VPS16: variants seen among roughly 807,000 people sequenced by gnomAD.
The protein encoded by VPS16 is VPS16 core subunit of CORVET and HOPS complexes, also known as vacuolar protein sorting-associated protein 16 homolog.
In VPS16, 82 loss-of-function variants were observed where a neutral mutation model predicts 116.0. The observed-to-expected ratio is 0.71, with a 90% CI of 0.59 to 0.85. The LOEUF is 0.85. Ranked by LOEUF, VPS16 falls within the 40% of genes least tolerant of loss-of-function variation. VPS16 has a pLI of 0.00. For missense variants in VPS16, 928 were observed against 1,090.6 expected (o/e 0.85, Z 2.10); for synonymous variants, 406 against 420.7 (o/e 0.96, Z 0.43).
chr20:2,854,146 C>T (rs1432241141), intron 1 of VPS16, among the ~76,000 whole-genome samples: 1 of 151,952 alleles, frequency 6.6e-6, no homozygotes, highest in Non-Finnish European at 1.5e-5. Context: ...TGGTCGTGCA[C>T]ACCTGTAAGA....
Position 2,862,602 on chromosome 20 carries a change from G to C in VPS16, c.1095G>C (p.Glu365Asp), listed in dbSNP as rs2089244700. The C allele has an allele frequency of 6.2e-7, 1 of 1,613,494 alleles. No homozygotes were observed. The highest frequency in any genetic ancestry group is 8.5e-7 in the Non-Finnish European group (1 of 1,179,878). The change falls in exon 12 of 24, where the codon GAG becomes GAC. Residue 365 changes from glutamate (E) to aspartate (D), a missense_variant. Transcript: ENST00000380445. ...AGAAAGAGAGCCAGAAGGCGGACGA[G>C]TACCTGCGGGAGATCCAGGAGCTGG... ...EYEKESQKAD[E>D]YLREIQELGQ... is the part of the protein sequence containing the mutation.
chr20:2,861,023 C>G lies in VPS16; in HGVS notation c.684C>G (p.Ser228=). ...GVSSFLQMAV[S]FTYRHLALFT... is the part of the protein sequence containing the mutation. ...GCAGCTTCCTACAGATGGCTGTCTC[C>G]TTCACCTACCGACACCTGGCACTCT... Residue 228 remains serine (S), a synonymous_variant, in exon 7 of 24, where the codon TCC becomes TCG. Coordinates refer to ENST00000380445, the MANE Select transcript of VPS16 (RefSeq NM_022575.4). 6.2e-7 allele frequency: 1 copy of G among 1,614,232 alleles called. No homozygotes were observed. Among genetic ancestry groups the G allele is most frequent in the Non-Finnish European group, 8.5e-7 (1 of 1,180,050 alleles).
At position 2,863,975 on chromosome 20, in the gene VPS16, G is replaced by T; in HGVS notation, c.1503G>T (p.Glu501Asp). 6.2e-7 allele frequency: 1 copy of T among 1,614,124 alleles called. No homozygotes were observed. The highest frequency in any genetic ancestry group is 8.5e-7 in the Non-Finnish European group (1 of 1,180,000). Residue 501 changes from glutamate to aspartate, a missense_variant, in exon 16 of 24, where the codon GAG (glutamate) becomes GAT (aspartate). By Grantham distance (45) the Glu-to-Asp change is conservative. Transcript: ENST00000380445. The surrounding 1 kb of genome is among the most constrained non-coding windows in gnomAD (Gnocchi z 4.4). Reference sequence around the variant, plus strand: ...TGCAACAGAAGGATGTCTCAGATGAGGATGTGGCTCGAGCCATTAACCAGA... The same window carrying T: ...TGCAACAGAAGGATGTCTCAGATGATGATGTGGCTCGAGCCATTAACCAGA... The part of the protein sequence containing the change: ...YKVQQKDVSD[E>D]DVARAINQKL...
At position 2,863,982 on chromosome 20, in the gene VPS16, G is replaced by T. The variant is rs772562294; in HGVS notation, c.1510G>T (p.Ala504Ser). Residue 504 changes from alanine (A) to serine (S), a missense_variant, in exon 16 of 24, where the codon GCT becomes TCT. Physicochemically the swap from Ala to Ser is moderately conservative, Grantham distance 99. Coordinates refer to ENST00000380445, the MANE Select transcript of VPS16 (RefSeq NM_022575.4). This position sits in a 1 kb window ranked among gnomAD's most constrained non-coding sequence, Gnocchi z 4.4. ...GAAGGATGTCTCAGATGAGGATGTG[G>T]CTCGAGCCATTAACCAGAAGCTGGG... ...QQKDVSDEDVARAINQKLGDT... is the reference protein window; with the variant it reads ...QQKDVSDEDVSRAINQKLGDT... 9.9e-6 allele frequency: 16 copies of T among 1,613,188 alleles called. No homozygotes were observed. Among genetic ancestry groups the T allele is most frequent in the Non-Finnish European group, 1.4e-5 (16 of 1,179,846 alleles).
In VPS16 at chr20:2,864,828, T is replaced by C. The variant is rs1004862144; in HGVS notation, c.1927-150T>C. On this transcript the variant is annotated intron_variant, in intron 19 of 23. Transcript: ENST00000380445. This position sits in a 1 kb window ranked among gnomAD's most constrained non-coding sequence, Gnocchi z 5.2. Reference sequence around the variant, plus strand: ...GGGTTAGTGTCAGAGGAGCTAGCCATCCCTCTAGGACATCAGAGTGGTGCA... The same window carrying C: ...GGGTTAGTGTCAGAGGAGCTAGCCACCCCTCTAGGACATCAGAGTGGTGCA... The C allele has an allele frequency of 2.0e-5, 24 of 1,181,528 alleles. No individual in the cohort carries two copies. Among genetic ancestry groups the C allele is most frequent in the Non-Finnish European group, 2.7e-5 (22 of 820,784 alleles). 73.2% of individuals were successfully genotyped at this position (1,181,528 alleles called of 1,614,324 possible).
intron 1 of VPS16, among the ~76,000 whole-genome samples, chr20:2,856,980 C>CTTTTTT (rs3053469): frequency 3.0e-4 from 42 of 142,120 alleles, no homozygotes; most frequent in Non-Finnish European, 5.1e-4. Flanking sequence ...TTTTCTTTTT[C>CTTTTTT]TTTTTTTTTT....
At chr20:2,842,827 CAT>C (rs372128419) in intron 1 of VPS16, among the ~76,000 whole-genome samples, 29 of 576 alleles carry the variant, frequency 0.05, no homozygotes, top group East Asian at 0.33. Flanking sequence ...TATAGATAGA[CAT>C]ATAGATGTAT....
intron 1 of VPS16, among the ~76,000 whole-genome samples, chr20:2,850,195 C>T (rs566914970): frequency 4.6e-4 from 70 of 152,190 alleles, no homozygotes; most frequent in Non-Finnish European, 7.5e-4. Context: ...TGGTGGCAGG[C>T]GCCTGTAATC....
At chr20:2,853,962 C>T (rs1422518373) in intron 1 of VPS16, among the ~76,000 whole-genome samples, 3 of 152,166 alleles carry the variant, frequency 2.0e-5, no homozygotes, top group East Asian at 1.9e-4. Context: ...TGTGAGCCAC[C>T]GTGCCCAGCC....
At chr20:2,846,212 G>C (rs1398642769) in intron 1 of VPS16, among the ~76,000 whole-genome samples, 15 of 149,222 alleles carry the variant, frequency 1.0e-4, no homozygotes. Flanking sequence ...TGCCTCCCGG[G>C]TTCAAGTGAT....
intron 1 of VPS16, among the ~76,000 whole-genome samples, chr20:2,841,497 G>C (rs1234104531): frequency 6.6e-6 from 1 of 152,214 alleles, no homozygotes; most frequent in African/African-American, 2.4e-5. Flanking sequence ...CGTTCCAGCT[G>C]CGCAGAATTA....
chr20:2,859,967 G>C (rs903201241), intron 2 of VPS16, 87 bp from the exon 3 acceptor site: 5 of 1,556,732 alleles, frequency 3.2e-6, no homozygotes, highest in Non-Finnish European at 4.4e-6. Flanking sequence ...TTCACATGGG[G>C]TGGGCCTGGG....
intron 1 of VPS16, among the ~76,000 whole-genome samples, chr20:2,847,605 A>G (rs2089074031): frequency 6.6e-6 from 1 of 151,504 alleles, no homozygotes; most frequent in African/African-American, 2.4e-5. Context: ...CAGCCTCCCG[A>G]GTAGCTGGGA....
chr20:2,855,452 A>T (rs547099859), intron 1 of VPS16, among the ~76,000 whole-genome samples: 2 of 152,194 alleles, frequency 1.3e-5, no homozygotes, highest in African/African-American at 2.4e-5. Context: ...TCAGAATGGT[A>T]AATGAGCACT....
Position 2,840,807 on chromosome 20 carries a change from C to G in VPS16, c.33C>G (p.Leu11=). 6.5e-7 allele frequency: 1 copy of G among 1,548,172 alleles called. No homozygotes were observed. Among genetic ancestry groups the G allele is most frequent in the Non-Finnish European group, 8.7e-7 (1 of 1,146,562 alleles). The part of the protein sequence containing the change: MDCYTANWNP[L]GDSAFYRKYE... ...GCTACACGGCGAACTGGAACCCACTCGGGGACTCTGCCTTTTACCGGTGAG... is the reference window on the plus strand; with the variant it reads ...GCTACACGGCGAACTGGAACCCACTGGGGGACTCTGCCTTTTACCGGTGAG... The change falls in exon 1 of 24, where the codon CTC becomes CTG. Residue 11 remains leucine, a synonymous_variant. Coordinates refer to ENST00000380445, the MANE Select transcript of VPS16 (RefSeq NM_022575.4).
Position 2,861,246 on chromosome 20 carries a change from T to C in VPS16, c.775T>C (p.Cys259Arg). ...TCAGGAGAAGCTATGTGAGTTCAAC[T>C]GCAACATCCGGGCACCTCCAAAGCA... is the stretch of plus-strand genomic sequence containing the variant. ...SLKEKLCEFN[C>R]NIRAPPKQMV... Residue 259 changes from cysteine (C) to arginine (R), a missense_variant, in exon 8 of 24, where the codon TGC becomes CGC. Coordinates refer to ENST00000380445, the MANE Select transcript of VPS16 (RefSeq NM_022575.4). The C allele has an allele frequency of 3.1e-6, 5 of 1,614,186 alleles. No individual in the cohort carries two copies. The highest frequency in any genetic ancestry group is 4.2e-6 in the Non-Finnish European group (5 of 1,180,030).
rs761862824 is a variant in VPS16, at chr20:2,864,579, G to A, written c.1851G>A (p.Lys617=). 2 of 1,614,150 alleles carry A rather than the reference G, an allele frequency of 1.2e-6. No homozygotes were observed. The highest frequency in any genetic ancestry group is 2.2e-5 in the South Asian group (2 of 91,070). Residue 617 remains lysine, a synonymous_variant, in exon 19 of 24, where the codon AAG becomes AAA. Coordinates refer to ENST00000380445, the MANE Select transcript of VPS16 (RefSeq NM_022575.4). This position sits in a 1 kb window ranked among gnomAD's most constrained non-coding sequence, Gnocchi z 5.2. ...AGCATCAGGAGCTAGAGACGCTGAA[G>A]GACCTTTACAATCAGGATGACAATC... ...FCKHQELETL[K]DLYNQDDNHQ... is the part of the protein sequence containing the mutation.
At position 2,860,696 on chromosome 20, in the gene VPS16, CAG is replaced by C. The variant is rs1045541414; in HGVS notation, c.515-50_515-49del. 1.9e-6 allele frequency: 3 copies of C among 1,611,612 alleles called. No homozygotes were observed. In the African/African-American group the frequency reaches 4.0e-5, roughly 22 times the overall value. On this transcript the variant is annotated intron_variant, in intron 5 of 23. Coordinates refer to ENST00000380445, the MANE Select transcript of VPS16 (RefSeq NM_022575.4). This position sits in a 1 kb window ranked among gnomAD's most constrained non-coding sequence, Gnocchi z 6.1. ...AGCTGTGGCTAGAGACCCATAGAAA[CAG>C]AAACGGTGGGCCTTGGTCATCCTAA...
intron 1 of VPS16, among the ~76,000 whole-genome samples, chr20:2,842,902 A>ATAGATAGC (rs2089021006): frequency 6.6e-6 from 1 of 151,694 alleles, no homozygotes; most frequent in African/African-American, 2.4e-5. Flanking sequence ...AGATAGATAG[A>ATAGATAGC]TATATGTTAT....
Sources: gnomAD v4.1 joint callset for allele counts (sites outside exome capture counted in the v4.1 genomes callset) on GRCh38, gnomAD v4.1.1 for gene constraint, Gnocchi (gnomAD v3.1) non-coding constraint, MANE v1.5 for transcripts, NCBI Gene and HGNC (gene_info 2026-07-23, HGNC 2026-07-21) for gene names.